The following PALLD variants were observed in gnomAD, a reference collection of about 807,000 sequenced individuals.
The protein encoded by PALLD is palladin.
Under a neutral mutation model 123.5 loss-of-function variants are expected in PALLD, and 61 were observed. That is an observed-to-expected ratio of 0.49 (90% CI 0.40 to 0.61). The LOEUF (loss-of-function observed/expected upper bound fraction) is 0.61. PALLD is among the 20% of genes least tolerant of loss of function. PALLD has a pLI of 0.00. For missense variants in PALLD, 1,273 were observed against 1,377.0 expected (o/e 0.92, Z 1.20); for synonymous variants, 465 against 496.4 (o/e 0.94, Z 0.84).
intron 2 of PALLD, among the ~76,000 whole-genome samples, chr4:168,544,282 C>G (rs1009351776): frequency 3.3e-5 from 5 of 152,232 alleles, no homozygotes; most frequent in Admixed American, 1.3e-4. Context: ...ACTTATTTGT[C>G]CATTTCAACA....
intron 10 of PALLD, among the ~76,000 whole-genome samples, chr4:168,737,112 CA>C (rs1787835643): frequency 6.6e-6 from 1 of 152,054 alleles, no homozygotes; most frequent in Non-Finnish European, 1.5e-5. Context: ...AAAAGAATAC[CA>C]GGGTTTGTTC....
In PALLD at chr4:168,576,173, G is replaced by A. The variant is rs188100096; in HGVS notation, c.908+63761G>A. 5.3e-5 allele frequency among the ~76,000 whole-genome samples: 8 copies of A among 151,904 alleles called. No homozygotes were observed. In the East Asian group the frequency reaches 1.5e-3, roughly 29 times the overall value. On this transcript the variant is annotated intron_variant, in intron 2 of 21. Coordinates refer to ENST00000505667, the MANE Select transcript of PALLD (RefSeq NM_001166108.2). ...TTAATATTTCAATATCTCTAAAATT[G>A]GAACACTTCATAATCTGTGGTGCTT...
intron 10 of PALLD, among the ~76,000 whole-genome samples, chr4:168,721,027 A>G (rs1785959777): frequency 3.9e-5 from 6 of 152,136 alleles, no homozygotes; most frequent in Admixed American, 3.9e-4. Flanking sequence ...GCTGAGTTCT[A>G]TTTTTATGAT....
intron 10 of PALLD, among the ~76,000 whole-genome samples, chr4:168,865,314 G>T (rs980019892): frequency 6.6e-6 from 1 of 152,330 alleles, no homozygotes; most frequent in African/African-American, 2.4e-5. Flanking sequence ...TTGCCAAAAC[G>T]CATTTTTGAG....
At chr4:168,872,152 A>G (rs1489352338) in intron 10 of PALLD, among the ~76,000 whole-genome samples, 1 of 152,226 alleles carries the variant, frequency 6.6e-6, no homozygotes, top group Non-Finnish European at 1.5e-5. Flanking sequence ...GGAATTGGTC[A>G]TCAGTTGCTC....
intron 2 of PALLD, among the ~76,000 whole-genome samples, chr4:168,572,327 T>C (rs889655531): frequency 5.3e-5 from 8 of 152,110 alleles, no homozygotes; most frequent in Non-Finnish European, 1.2e-4. Flanking sequence ...AATCCCATGA[T>C]ATAGATATAT....
At chr4:168,509,558 T>C (rs1762336205) in intron 1 of PALLD, among the ~76,000 whole-genome samples, 1 of 152,210 alleles carries the variant, frequency 6.6e-6, no homozygotes, top group Admixed American at 6.5e-5. Flanking sequence ...GTCAGGATGT[T>C]TCTATCCTGC....
At chr4:168,862,074 A>T (rs2151033425) in intron 10 of PALLD, among the ~76,000 whole-genome samples, 1 of 152,314 alleles carries the variant, frequency 6.6e-6, no homozygotes, top group South Asian at 2.1e-4. Flanking sequence ...ATTCTTTAAA[A>T]AATAGGATTT....
chr4:168,521,529 TATTA>T (rs1298507110), intron 2 of PALLD, among the ~76,000 whole-genome samples: 3 of 152,214 alleles, frequency 2.0e-5, no homozygotes, highest in Non-Finnish European at 4.4e-5. Flanking sequence ...AAAAGTTACT[TATTA>T]TTTTAAAGTG....
chr4:168,801,846 C>T (rs1033660306), intron 10 of PALLD, among the ~76,000 whole-genome samples: 19 of 152,152 alleles, frequency 1.2e-4, no homozygotes, highest in Admixed American at 1.0e-3. Flanking sequence ...AGGACATGGT[C>T]CATGTGAACA....
At chr4:168,818,210 C>G (rs1742241479) in intron 10 of PALLD, among the ~76,000 whole-genome samples, 1 of 151,438 alleles carries the variant, frequency 6.6e-6, no homozygotes, top group South Asian at 2.1e-4. Flanking sequence ...GTGTTATGCC[C>G]ACGAATAGTC....
At chr4:168,885,633 C>T (rs78780178) in intron 10 of PALLD, among the ~76,000 whole-genome samples, 2,918 of 152,280 alleles carry the variant, frequency 0.019, 51 homozygotes, top group Middle Eastern at 0.048. Context: ...TGCAAAAAGT[C>T]AGATTTGCAA....
At chr4:168,519,625 T>C (rs1254914061) in intron 2 of PALLD, among the ~76,000 whole-genome samples, 4 of 152,156 alleles carry the variant, frequency 2.6e-5, no homozygotes, top group Non-Finnish European at 5.9e-5. Flanking sequence ...TGCAGTCAAT[T>C]AAAAAATCTG....
intron 2 of PALLD, among the ~76,000 whole-genome samples, chr4:168,572,377 T>C (rs781587064): frequency 2.0e-5 from 3 of 152,068 alleles, no homozygotes; most frequent in Non-Finnish European, 2.9e-5. Flanking sequence ...AGAACAGTTA[T>C]CCAAAATGGT....
intron 2 of PALLD, among the ~76,000 whole-genome samples, chr4:168,584,653 T>G (rs1770632320): frequency 6.6e-6 from 1 of 152,222 alleles, no homozygotes; most frequent in Admixed American, 6.5e-5. Context: ...CAATGTCTTC[T>G]ATTTCAATCT....
intron 2 of PALLD, among the ~76,000 whole-genome samples, chr4:168,663,765 G>A (rs935299219): frequency 3.3e-5 from 5 of 151,916 alleles, no homozygotes; most frequent in Admixed American, 2.6e-4. Flanking sequence ...TTCTGATATC[G>A]TCTGTATTGT....
At chr4:168,587,024 C>T (rs562900842) in intron 2 of PALLD, among the ~76,000 whole-genome samples, 44 of 152,216 alleles carry the variant, frequency 2.9e-4, no homozygotes, top group African/African-American at 8.7e-4. Context: ...AGAGACATTT[C>T]GGTTGTCACC....
intron 10 of PALLD, among the ~76,000 whole-genome samples, chr4:168,826,296 A>G (rs1743411182): frequency 6.6e-6 from 1 of 152,238 alleles, no homozygotes. Context: ...CTTGGCAATA[A>G]TCAATTGCTC....
At chr4:168,686,011 C>A (rs974688233) in intron 6 of PALLD, among the ~76,000 whole-genome samples, 3 of 151,928 alleles carry the variant, frequency 2.0e-5, no homozygotes, top group Non-Finnish European at 4.4e-5. Flanking sequence ...TCTTCTCTTT[C>A]TTTTTCCTTT....
Sources: gnomAD v4.1 joint callset for allele counts (sites outside exome capture counted in the v4.1 genomes callset) on GRCh38, gnomAD v4.1.1 for gene constraint, MANE v1.5 for transcripts, NCBI Gene and HGNC (gene_info 2026-07-23, HGNC 2026-07-21) for gene names.